Variants in CUL4B observed in about 807,000 individuals in gnomAD.
The protein encoded by CUL4B is cullin 4B.
A neutral mutation model predicts 69.2 loss-of-function variants in CUL4B; 1 was observed. That is an observed-to-expected ratio of 0.01 (90% CI 0.01 to 0.07). The LOEUF is 0.07. Ranked by LOEUF, CUL4B falls within the 10% of genes least tolerant of loss-of-function variation. CUL4B has a pLI of 1.00. For synonymous variants in CUL4B, 237 were observed against 223.2 expected, an observed-to-expected ratio of 1.06 and a Z score of -0.55; for missense variants, 328 against 638.8, an observed-to-expected ratio of 0.51 and a Z score of 5.24.
intron 2 of CUL4B, among the ~76,000 whole-genome samples, chrX:120,557,355 T>TAA (rs1925041140): frequency 1.8e-5 from 2 of 111,738 alleles, no homozygotes; most frequent in South Asian, 7.4e-4. Context: ...TATTTAAGTG[T>TAA]AAGGACCCAT....
At chrX:120,535,372 C>A (rs1923591482) in intron 16 of CUL4B, among the ~76,000 whole-genome samples, 1 of 110,696 alleles carries the variant, frequency 9.0e-6, no homozygotes, top group Non-Finnish European at 1.9e-5. Flanking sequence ...CAAACTATCA[C>A]TGTCATCATG....
chrX:120,533,265 T>A (rs1331959465), intron 17 of CUL4B, among the ~76,000 whole-genome samples: 1 of 112,096 alleles, frequency 8.9e-6, no homozygotes, highest in South Asian at 3.7e-4. Context: ...ATCATCCCAA[T>A]AGCATCTAAA....
chrX:120,523,997 C>A lies in CUL4B; in HGVS notation c.*2764G>T, dbSNP rs2147312457. Among the ~76,000 whole-genome samples the A allele has an allele frequency of 9.0e-6, 1 of 111,648 alleles. No homozygotes were observed. Among genetic ancestry groups the A allele is most frequent in the South Asian group, 3.7e-4 (1 of 2,674 alleles). On this transcript the variant is annotated 3_prime_UTR_variant, in exon 20 of 20. Transcript: ENST00000371322. The stretch of plus-strand genomic sequence containing the variant: ...GTGGTCATGAAAACAAAGACCAGCT[C>A]ATTTTAAAAGATTTATGAATATCCA...
rs1314115669 is a variant in CUL4B, at chrX:120,560,732, G to A, written c.-94C>T. ...AGAGAAGGTAGCAATGCTAGAGGGG[G>A]AAGGGAAGAAAGAAGAGAGGAGAAA... On this transcript the variant is annotated 5_prime_UTR_variant, in exon 1 of 20. Coordinates refer to ENST00000371322, the MANE Select transcript of CUL4B (RefSeq NM_001079872.2). 2 of 999,342 alleles carry A rather than the reference G, an allele frequency of 2.0e-6. No individual in the cohort carries two copies. The highest frequency in any genetic ancestry group is 4.2e-5 in the South Asian group (2 of 47,868). 82.4% of individuals were successfully genotyped at this position (999,342 alleles called of 1,213,427 possible).
At chrX:120,529,720 A>C (rs1923199499) in intron 19 of CUL4B, among the ~76,000 whole-genome samples, 1 of 111,631 alleles carries the variant, frequency 9.0e-6, no homozygotes, top group Non-Finnish European at 1.9e-5. Flanking sequence ...AGGAGATTTA[A>C]CTCAATCCAC....
intron 15 of CUL4B, 57 bp downstream of exon 15, chrX:120,536,870 A>C: frequency 1.2e-6 from 1 of 851,438 alleles, no homozygotes; most frequent in Non-Finnish European, 1.8e-6. Flanking sequence ...ATGACAAGCA[A>C]AATGGAAATG....
chrX:120,534,452 A>G, intron 17 of CUL4B, 29 bp downstream of exon 17: 1 of 929,459 alleles, frequency 1.1e-6, no homozygotes, highest in Non-Finnish European at 1.6e-6. Context: ...TGGTGTGCAC[A>G]TAGTGAACAA....
Position 120,532,612 on chromosome X carries a change from G to T in CUL4B, c.2267-18C>A, listed in dbSNP as rs1463823412. Reference sequence around the variant, plus strand: ...TCCATCCTCTGAAGAAGAAACAGAGGTTTAGTTATTTGTTACCAGCATGAA... The same window carrying T: ...TCCATCCTCTGAAGAAGAAACAGAGTTTTAGTTATTTGTTACCAGCATGAA... On this transcript the variant is annotated intron_variant, in intron 17 of 19. Transcript: ENST00000371322. The T allele has an allele frequency of 8.4e-7, 1 of 1,184,165 alleles. No homozygotes were observed. Among genetic ancestry groups the T allele is most frequent in the Admixed American group, 2.2e-5 (1 of 46,020 alleles).
intron 14 of CUL4B, 132 bp from the exon 15 acceptor site, chrX:120,537,166 A>G: frequency 2.0e-6 from 1 of 511,335 alleles, no homozygotes; most frequent in Non-Finnish European, 3.4e-6. Flanking sequence ...AAAGGCAACT[A>G]TTAAGAAGAC....
intron 17 of CUL4B, 31 bp from the exon 18 acceptor site, chrX:120,532,625 T>C (rs1400907809): frequency 7.9e-6 from 9 of 1,136,829 alleles, no homozygotes; most frequent in Non-Finnish European, 1.1e-5. Context: ...TAGTTATTTG[T>C]TACCAGCATG....
chrX:120,544,178 C>T lies in CUL4B; in HGVS notation c.1109G>A (p.Arg370Gln). The T allele has an allele frequency of 5.8e-6, 7 of 1,202,031 alleles. No homozygotes were observed. The highest frequency in any genetic ancestry group is 1.7e-5 in the African/African-American group (1 of 57,577). ...GAGCCGGTTAGTTTCTTCCAAAAAT[C>T]GTTGTTCAAAAGAATCTTGATAAAT... is the stretch of plus-strand genomic sequence containing the variant. ...LQIYQDSFEQ[R>Q]FLEETNRLYA... The change falls in exon 7 of 20, where the codon CGA (arginine) becomes CAA (glutamine). Residue 370 changes from arginine (R) to glutamine (Q), a missense_variant. Physicochemically the swap from Arg to Gln is conservative, Grantham distance 43 (BLOSUM62 1). This residue lies in a region of CUL4B where 126 missense variants were observed against 202.5 expected (regional missense o/e 0.62). Coordinates refer to ENST00000371322, the MANE Select transcript of CUL4B (RefSeq NM_001079872.2).
chrX:120,539,138 C>T, intron 12 of CUL4B, 130 bp downstream of exon 12: 2 of 459,994 alleles, frequency 4.3e-6, no homozygotes. Context: ...CGTATCCCCC[C>T]AATGAATTAA....
chrX:120,562,647 T>C (rs1352374773), upstream of CUL4B, among the ~76,000 whole-genome samples: 1 of 111,931 alleles, frequency 8.9e-6, no homozygotes, highest in Non-Finnish European at 1.9e-5. Context: ...TTATGCTGTG[T>C]CTCAAAGTGG....
rs1925198668 is a variant in CUL4B, at chrX:120,560,153, A to G, written c.486T>C (p.Ser162=). The part of the protein sequence containing the change: ...VHHANGLAKS[S]TTVSSFANSK... Reference sequence around the variant, plus strand: ...TGTTAGCAAAGCTAGAGACGGTGGTAGAAGATTTGGCTAGGCCGTTTGCAT... The same window carrying G: ...TGTTAGCAAAGCTAGAGACGGTGGTGGAAGATTTGGCTAGGCCGTTTGCAT... Residue 162 remains serine (S), a synonymous_variant, in exon 1 of 20, where the codon TCT becomes TCC. Coordinates refer to ENST00000371322, the MANE Select transcript of CUL4B (RefSeq NM_001079872.2). 1 of 1,210,266 alleles carries G rather than the reference A, an allele frequency of 8.3e-7. No individual in the cohort carries two copies. Among genetic ancestry groups the G allele is most frequent in the Admixed American group, 2.2e-5 (1 of 45,790 alleles).
At chrX:120,530,320 T>C in intron 18 of CUL4B, 66 bp from the exon 19 acceptor site, 1 of 1,046,113 alleles carries the variant, frequency 9.6e-7, no homozygotes. Flanking sequence ...ACATAAATTG[T>C]GCATTTTAGG....
intron 2 of CUL4B, among the ~76,000 whole-genome samples, chrX:120,557,600 T>C (rs1462751683): frequency 8.9e-6 from 1 of 111,959 alleles, no homozygotes. Context: ...ATTATCACAA[T>C]AGAATGACAT....
At chrX:120,565,021 A>G (rs186006625), upstream of CUL4B, among the ~76,000 whole-genome samples, 89 of 112,743 alleles carry the variant, frequency 7.9e-4, 1 homozygote, top group Admixed American at 2.5e-3. Context: ...AAGAAATACA[A>G]ACAAAGACAG....
intron 2 of CUL4B, among the ~76,000 whole-genome samples, chrX:120,572,741 T>C (rs187971713): frequency 1.7e-3 from 190 of 111,793 alleles, no homozygotes; most frequent in Non-Finnish European, 3.0e-3. Context: ...TCCTTGTCAC[T>C]ACACACAGAT....
rs1922847539 is a variant in CUL4B, at chrX:120,524,185, A to T, written c.*2576T>A. The stretch of plus-strand genomic sequence containing the variant: ...GGAACTGGGTTCAAAAACTTTGAGG[A>T]ACATCTTACTCTGAGAGTATCTGGC... On this transcript the variant is annotated 3_prime_UTR_variant, in exon 20 of 20. Transcript: ENST00000371322. 9.0e-6 allele frequency among the ~76,000 whole-genome samples: 1 copy of T among 111,444 alleles called. No homozygotes were observed. Among genetic ancestry groups the T allele is most frequent in the South Asian group, 3.8e-4 (1 of 2,666 alleles).
Sources: allele counts gnomAD v4.1 joint callset (sites outside exome capture counted in the v4.1 genomes callset), GRCh38; gene constraint gnomAD v4.1.1; regional missense constraint gnomAD v4.1.1; transcripts MANE v1.5; gene names NCBI Gene and HGNC (gene_info 2026-07-23, HGNC 2026-07-21).